Variants in KPNA4 observed in about 807,000 individuals in gnomAD.
The protein encoded by KPNA4 is karyopherin subunit alpha 4.
KPNA4 carries 13 observed loss-of-function variants against 71.3 expected under a neutral mutation model. That is an observed-to-expected ratio of 0.18 (90% confidence interval 0.12 to 0.29). KPNA4 has a LOEUF of 0.29. KPNA4 is among the 10% of genes least tolerant of loss of function. The pLI is 1.00. For synonymous variants in KPNA4, 189 were observed against 195.2 expected, an observed-to-expected ratio of 0.97 and a Z score of 0.26; for missense variants, 334 against 603.2, an observed-to-expected ratio of 0.55 and a Z score of 4.67.
At chr3:160,543,417 T>C (rs1376767984) in intron 1 of KPNA4, among the ~76,000 whole-genome samples, 1 of 151,884 alleles carries the variant, frequency 6.6e-6, no homozygotes, top group Admixed American at 6.6e-5. Context: ...CTCAGCTCAC[T>C]GTAACCTCAG....
chr3:160,564,685 G>C (rs952780354), intron 1 of KPNA4: 1 of 151,990 alleles, frequency 6.6e-6, no homozygotes, highest in Non-Finnish European at 1.5e-5. Context: ...AGCGGGAGTC[G>C]GGAAGACCAG....
chr3:160,536,746 T>C (rs1721702034), intron 2 of KPNA4, 50 bp downstream of exon 2: 1 of 1,088,024 alleles, frequency 9.2e-7, no homozygotes, highest in South Asian at 1.6e-5. Flanking sequence ...TATAATGCTA[T>C]AATGTTGTTA....
intron 1 of KPNA4, among the ~76,000 whole-genome samples, chr3:160,562,588 T>C (rs1287670966): frequency 6.6e-6 from 1 of 152,170 alleles, no homozygotes; most frequent in Non-Finnish European, 1.5e-5. Context: ...ACTGTACTGT[T>C]CTCTAAATAT....
intron 1 of KPNA4, among the ~76,000 whole-genome samples, chr3:160,551,938 C>CT (rs1722047384): frequency 3.4e-5 from 2 of 59,368 alleles, no homozygotes; most frequent in African/African-American, 1.5e-4. Flanking sequence ...GTTGTCACAA[C>CT]TGGGGGGGGG....
At chr3:160,504,549 T>C (rs991438713) in intron 16 of KPNA4, among the ~76,000 whole-genome samples, 1 of 152,208 alleles carries the variant, frequency 6.6e-6, no homozygotes, top group African/African-American at 2.4e-5. Context: ...TCGTATTTGT[T>C]TTTGGCCATG....
At chr3:160,556,933 C>T (rs549060660) in intron 1 of KPNA4, among the ~76,000 whole-genome samples, 1 of 152,230 alleles carries the variant, frequency 6.6e-6, no homozygotes, top group South Asian at 2.1e-4. Flanking sequence ...AGGAACCAAA[C>T]CTACCCTAAA....
chr3:160,531,927 G>T (rs1216510347), intron 5 of KPNA4, among the ~76,000 whole-genome samples: 4 of 152,076 alleles, frequency 2.6e-5, no homozygotes, highest in Non-Finnish European at 4.4e-5. Context: ...TGAGTAGCTG[G>T]GATTACAGGC....
chr3:160,509,470 T>C (rs1721050971), intron 14 of KPNA4, among the ~76,000 whole-genome samples: 1 of 152,194 alleles, frequency 6.6e-6, no homozygotes, highest in South Asian at 2.1e-4. Context: ...AAAATTCTTG[T>C]AGGCCAATAA....
At chr3:160,535,454 C>T in intron 5 of KPNA4, 59 bp downstream of exon 5, 2 of 1,306,662 alleles carry the variant, frequency 1.5e-6, no homozygotes, top group South Asian at 1.4e-5. Context: ...AGTAAAAATT[C>T]AAAATAGAAC....
At position 160,495,331 on chromosome 3, in the gene KPNA4, T is replaced by G. The variant is rs757983602; in HGVS notation, c.*6773A>C. On this transcript the variant is annotated 3_prime_UTR_variant, in exon 17 of 17. Transcript: ENST00000334256. ...TAAAGTGCGGTTGAGAAAGCCAGGA[T>G]GCAAACAAACATTTCCTATCTGCTG... is the stretch of plus-strand genomic sequence containing the variant. The G allele has an allele frequency of 5.9e-5, 9 of 152,198 alleles. No homozygotes were observed. Among genetic ancestry groups the G allele is most frequent in the Non-Finnish European group, 1.3e-4 (9 of 68,034 alleles). 9.4% of individuals were successfully genotyped at this position (152,198 alleles called of 1,614,324 possible).
intron 13 of KPNA4, among the ~76,000 whole-genome samples, chr3:160,511,149 A>C (rs1166295370): frequency 6.6e-6 from 1 of 151,424 alleles, no homozygotes; most frequent in African/African-American, 2.4e-5. Context: ...TCTGTCACCC[A>C]GGCTGGAGTG....
intron 1 of KPNA4, among the ~76,000 whole-genome samples, chr3:160,562,213 T>C (rs1158940808): frequency 6.6e-6 from 1 of 152,116 alleles, no homozygotes; most frequent in Non-Finnish European, 1.5e-5. Context: ...AGTGGAGGTA[T>C]GCCATAACCG....
At chr3:160,531,676 T>C in intron 5 of KPNA4, 119 bp from the exon 6 acceptor site, 3 of 464,000 alleles carry the variant, frequency 6.5e-6, no homozygotes, top group Non-Finnish European at 7.6e-6. Flanking sequence ...GTGCCTTCTC[T>C]GAAATTAACA....
intron 10 of KPNA4, among the ~76,000 whole-genome samples, chr3:160,522,152 T>TCA (rs1560047953): frequency 1.3e-5 from 2 of 152,150 alleles, no homozygotes; most frequent in African/African-American, 2.4e-5. Context: ...CAATCTTAGT[T>TCA]CACTAAGATA....
chr3:160,555,060 G>C (rs1376463007), intron 1 of KPNA4, among the ~76,000 whole-genome samples: 1 of 152,152 alleles, frequency 6.6e-6, no homozygotes. Flanking sequence ...CCATGGGACT[G>C]AGCTCTCAAC....
intron 10 of KPNA4, among the ~76,000 whole-genome samples, chr3:160,522,857 C>T (rs527351496): frequency 4.7e-5 from 7 of 147,680 alleles, no homozygotes; most frequent in African/African-American, 7.6e-5. Context: ...ACAAAAAATA[C>T]GTACTTCACT....
intron 1 of KPNA4, among the ~76,000 whole-genome samples, chr3:160,557,029 T>C (rs1722150814): frequency 6.6e-6 from 1 of 152,202 alleles, no homozygotes; most frequent in African/African-American, 2.4e-5. Flanking sequence ...CTGCCTAGGA[T>C]GGTCTCAAAC....
At chr3:160,508,382 T>G (rs1358930920) in intron 14 of KPNA4, 113 bp from the exon 15 acceptor site, 1 of 675,370 alleles carries the variant, frequency 1.5e-6, no homozygotes, top group African/African-American at 1.9e-5. Context: ...TATGACCTCA[T>G]CTCTCTCATG....
chr3:160,514,319 A>T (rs1189508479), intron 12 of KPNA4, 138 bp from the exon 13 acceptor site: 5 of 566,738 alleles, frequency 8.8e-6, no homozygotes, highest in Non-Finnish European at 1.5e-5. Flanking sequence ...AGGAATCTCA[A>T]TTCCTTTACA....
Sources: allele counts gnomAD v4.1 joint callset (sites outside exome capture counted in the v4.1 genomes callset), GRCh38; gene constraint gnomAD v4.1.1; transcripts MANE v1.5; gene names NCBI Gene and HGNC (gene_info 2026-07-23, HGNC 2026-07-21).